PTPRR: variants seen among roughly 807,000 people sequenced by gnomAD.
The protein encoded by PTPRR is protein tyrosine phosphatase receptor type R, also known as receptor-type tyrosine-protein phosphatase R.
In PTPRR, 38 loss-of-function variants were observed where a neutral mutation model predicts 77.2. The observed-to-expected ratio is 0.49, with a 90% confidence interval of 0.38 to 0.65. PTPRR has a LOEUF of 0.65. Ranked by LOEUF, PTPRR falls within the 30% of genes least tolerant of loss-of-function variation. The pLI is 0.00. For synonymous variants in PTPRR, 299 were observed against 283.1 expected (o/e 1.06, Z -0.57); for missense variants, 744 against 799.2 (o/e 0.93, Z 0.83).
chr12:70,812,559 G>A (rs1469018078), intron 2 of PTPRR, among the ~76,000 whole-genome samples: 1 of 152,162 alleles, frequency 6.6e-6, no homozygotes, highest in African/African-American at 2.4e-5. Flanking sequence ...GGATAGATAT[G>A]ATTTCCCTAA....
rs540196782 is a variant in PTPRR, at chr12:70,810,395, C to T, written c.358-45617G>A. On this transcript the variant is annotated intron_variant, in intron 2 of 13. Transcript: ENST00000283228. ...ATTAAAAACACTTATTCTTTAAGAA[C>T]GTAGACATAATATCATTACTTTCAC... Among the ~76,000 whole-genome samples the T allele has an allele frequency of 2.6e-4, 40 of 152,226 alleles. 1 individual carries two copies. Among genetic ancestry groups the T allele is most frequent in the Admixed American group, 2.3e-3 (35 of 15,290 alleles).
At chr12:70,853,035 C>T (rs10879204) in intron 2 of PTPRR, among the ~76,000 whole-genome samples, 32,383 of 152,154 alleles carry the variant, frequency 0.21, 3,712 homozygotes, top group East Asian at 0.4. Flanking sequence ...CAGGGGCCGC[C>T]ACACTTTATC....
chr12:70,766,728 TGAAAA>T (rs1180080829), intron 2 of PTPRR, among the ~76,000 whole-genome samples: 3 of 150,870 alleles, frequency 2.0e-5, no homozygotes, highest in African/African-American at 4.9e-5. Context: ...TCACCAAAGT[TGAAAA>T]GAAGGAAAAA....
intron 2 of PTPRR, among the ~76,000 whole-genome samples, chr12:70,878,797 C>A (rs1208579619): frequency 6.6e-6 from 1 of 152,216 alleles, no homozygotes; most frequent in Non-Finnish European, 1.5e-5. Flanking sequence ...AAGGCACATG[C>A]ACACGTATGT....
chr12:70,875,526 A>T (rs1302134504), intron 2 of PTPRR, among the ~76,000 whole-genome samples: 1 of 152,054 alleles, frequency 6.6e-6, no homozygotes, highest in East Asian at 1.9e-4. Context: ...GAAATCAATG[A>T]TTTCTTACCT....
At chr12:70,912,250 T>G (rs946033550) in intron 1 of PTPRR, among the ~76,000 whole-genome samples, 12 of 152,214 alleles carry the variant, frequency 7.9e-5, no homozygotes, top group African/African-American at 2.9e-4. Flanking sequence ...GTGCATTTAT[T>G]GCTTCCTTTT....
At chr12:70,733,449 A>AAATTAT (rs1889743518) in intron 6 of PTPRR, among the ~76,000 whole-genome samples, 1 of 93,026 alleles carries the variant, frequency 1.1e-5, no homozygotes, top group Non-Finnish European at 2.2e-5. Flanking sequence ...AAAAAAAGAA[A>AAATTAT]GAAAAAAAGA....
At chr12:70,708,847 G>A (rs1369053778) in intron 6 of PTPRR, among the ~76,000 whole-genome samples, 3 of 146,324 alleles carry the variant, frequency 2.1e-5, no homozygotes, top group African/African-American at 5.3e-5. Flanking sequence ...CACACACACG[G>A]CATTTTCTAA....
chr12:70,733,470 C>CAAAAA (rs1193950231), intron 6 of PTPRR, among the ~76,000 whole-genome samples: 6 of 74,078 alleles, frequency 8.1e-5, no homozygotes, highest in African/African-American at 3.5e-4. Flanking sequence ...AAAATTATGG[C>CAAAAA]AAAAAAAAAA....
chr12:70,857,808 G>T (rs1892678816), intron 2 of PTPRR, among the ~76,000 whole-genome samples: 1 of 152,214 alleles, frequency 6.6e-6, no homozygotes, highest in South Asian at 2.1e-4. Context: ...TAGAAGGCAA[G>T]AACATAACTC....
At chr12:70,650,861 A>T (rs889179022) in intron 13 of PTPRR, among the ~76,000 whole-genome samples, 2 of 152,208 alleles carry the variant, frequency 1.3e-5, no homozygotes, top group African/African-American at 4.8e-5. Context: ...CATTCTAAAA[A>T]TATCCTAAGA....
rs143306851 is a variant in PTPRR, at chr12:70,647,842, TTTG to T, written c.1881-8568_1881-8566del. 4.4e-3 allele frequency among the ~76,000 whole-genome samples: 673 copies of T among 152,324 alleles called. 7 individuals are homozygous for T. The highest frequency in any genetic ancestry group is 0.015 in the African/African-American group (644 of 41,578). ...AAATGTGATTGAGCAAAATATCCCT[TTTG>T]CAACAATGCTGGCCAACAGAAAGTT... On this transcript the variant is annotated intron_variant, in intron 13 of 13. Coordinates refer to ENST00000283228, the MANE Select transcript of PTPRR (RefSeq NM_002849.4).
At chr12:70,725,887 T>C (rs1191790747) in intron 6 of PTPRR, among the ~76,000 whole-genome samples, 1 of 152,170 alleles carries the variant, frequency 6.6e-6, no homozygotes, top group Non-Finnish European at 1.5e-5. Context: ...TGCACAGCCC[T>C]GGTTGAAGGT....
intron 2 of PTPRR, among the ~76,000 whole-genome samples, chr12:70,826,143 T>C (rs1387949963): frequency 6.6e-6 from 1 of 151,906 alleles, no homozygotes; most frequent in Non-Finnish European, 1.5e-5. Context: ...AGAAGGAGGA[T>C]AGGGAGGGGT....
chr12:70,682,333 G>A (rs1351239072), intron 10 of PTPRR, among the ~76,000 whole-genome samples: 1 of 151,988 alleles, frequency 6.6e-6, no homozygotes, highest in Non-Finnish European at 1.5e-5. Flanking sequence ...GTGAGCCACC[G>A]CGCCCGGCCG....
intron 6 of PTPRR, among the ~76,000 whole-genome samples, chr12:70,740,398 G>T (rs1260978990): frequency 6.6e-6 from 1 of 151,358 alleles, no homozygotes; most frequent in African/African-American, 2.4e-5. Flanking sequence ...TTTGAGACAG[G>T]GTCTCACTCT....
intron 2 of PTPRR, among the ~76,000 whole-genome samples, chr12:70,874,500 T>G (rs1363902620): frequency 6.6e-6 from 1 of 152,210 alleles, no homozygotes; most frequent in Non-Finnish European, 1.5e-5. Context: ...TATAAATTTA[T>G]GCCTTTCAGT....
intron 10 of PTPRR, among the ~76,000 whole-genome samples, chr12:70,676,329 G>T (rs1566061063): frequency 6.6e-6 from 1 of 151,906 alleles, no homozygotes; most frequent in East Asian, 1.9e-4. Context: ...TTTATTTCTA[G>T]TATTTGTTGT....
At chr12:70,742,423 AG>A (rs1177835349) in intron 6 of PTPRR, among the ~76,000 whole-genome samples, 1 of 152,200 alleles carries the variant, frequency 6.6e-6, no homozygotes, top group East Asian at 1.9e-4. Flanking sequence ...GACAGGTTCT[AG>A]GCAAGTATTA....
Sources: allele counts gnomAD v4.1 joint callset (sites outside exome capture counted in the v4.1 genomes callset), GRCh38; gene constraint gnomAD v4.1.1; transcripts MANE v1.5; gene names NCBI Gene and HGNC (gene_info 2026-07-23, HGNC 2026-07-21).